Variants in TMEM117 observed in about 807,000 individuals in gnomAD.
The protein encoded by TMEM117 is transmembrane protein 117.
A neutral mutation model predicts 52.4 loss-of-function variants in TMEM117; 27 were observed. That is an observed-to-expected ratio of 0.51 (90% CI 0.38 to 0.71). The LOEUF (loss-of-function observed/expected upper bound fraction) is 0.71. TMEM117 is among the 30% of genes least tolerant of loss of function. TMEM117 has a pLI of 0.00. For synonymous variants in TMEM117, 215 were observed against 206.3 expected, an observed-to-expected ratio of 1.04 and a Z score of -0.36; for missense variants, 556 against 630.5, an observed-to-expected ratio of 0.88 and a Z score of 1.26.
At chr12:44,241,057 T>G (rs542976566) in intron 5 of TMEM117, among the ~76,000 whole-genome samples, 119 of 152,130 alleles carry the variant, frequency 7.8e-4, no homozygotes, top group African/African-American at 2.7e-3. Flanking sequence ...ATCAAGTCCC[T>G]TGTATAAAAT....
the TMEM117 span, among the ~76,000 whole-genome samples, chr12:43,820,054 G>C: frequency 6.6e-6 from 1 of 152,274 alleles, no homozygotes; most frequent in Middle Eastern, 3.4e-3. Context: ...TGTGCTTTCA[G>C]ATATTCTACC....
chr12:43,860,562 A>G (rs906636285), intron 2 of TMEM117, among the ~76,000 whole-genome samples: 5 of 152,154 alleles, frequency 3.3e-5, no homozygotes, highest in Admixed American at 1.3e-4. Flanking sequence ...AGATGAAGGA[A>G]CAACCTATGT....
At chr12:44,053,645 T>C (rs1947009416) in intron 3 of TMEM117, among the ~76,000 whole-genome samples, 1 of 152,160 alleles carries the variant, frequency 6.6e-6, no homozygotes, top group Non-Finnish European at 1.5e-5. Flanking sequence ...CCCACATCCA[T>C]GAACCACTTT....
intron 3 of TMEM117, among the ~76,000 whole-genome samples, chr12:44,048,391 T>C (rs1053459560): frequency 2.0e-5 from 3 of 152,166 alleles, no homozygotes; most frequent in African/African-American, 4.8e-5. Flanking sequence ...TTTCACTTTA[T>C]TTGCATTTGT....
chr12:43,846,036 A>G (rs530543355), intron 2 of TMEM117, among the ~76,000 whole-genome samples: 1 of 152,294 alleles, frequency 6.6e-6, no homozygotes, highest in African/African-American at 2.4e-5. Context: ...GCACATTTTC[A>G]TTAAATATAT....
intron 5 of TMEM117, among the ~76,000 whole-genome samples, chr12:44,240,025 G>T (rs954651131): frequency 2.0e-5 from 3 of 152,014 alleles, no homozygotes; most frequent in African/African-American, 7.2e-5. Context: ...GCATGCAGAT[G>T]AAAAAAGATC....
intron 4 of TMEM117, among the ~76,000 whole-genome samples, chr12:44,154,134 T>C (rs914070555): frequency 2.0e-5 from 3 of 152,090 alleles, no homozygotes; most frequent in Non-Finnish European, 2.9e-5. Context: ...CAGTGAAACA[T>C]CTTAAGTAGC....
intron 3 of TMEM117, among the ~76,000 whole-genome samples, chr12:44,103,169 TTTACA>T (rs1337214403): frequency 1.3e-5 from 2 of 151,966 alleles, no homozygotes; most frequent in Admixed American, 1.3e-4. Flanking sequence ...GATCACTTAC[TTTACA>T]TTACTTTATA....
At chr12:43,917,337 G>T (rs1944622910) in intron 2 of TMEM117, among the ~76,000 whole-genome samples, 1 of 151,820 alleles carries the variant, frequency 6.6e-6, no homozygotes, top group African/African-American at 2.4e-5. Context: ...GTAGTTTGAG[G>T]CTGCAAGATC....
intron 6 of TMEM117, among the ~76,000 whole-genome samples, chr12:44,338,190 A>G (rs920082023): frequency 4.6e-5 from 7 of 152,148 alleles, no homozygotes; most frequent in Non-Finnish European, 8.8e-5. Context: ...AAATTAAGAT[A>G]ATGTGGGTAA....
chr12:44,072,593 TC>T (rs1466250263), intron 3 of TMEM117, among the ~76,000 whole-genome samples: 1 of 152,140 alleles, frequency 6.6e-6, no homozygotes, highest in Non-Finnish European at 1.5e-5. Flanking sequence ...GGCTTTTGTT[TC>T]AAATAGGGAG....
chr12:44,052,246 T>C (rs1314980275), intron 3 of TMEM117, among the ~76,000 whole-genome samples: 4 of 152,182 alleles, frequency 2.6e-5, no homozygotes, highest in Non-Finnish European at 1.5e-5. Context: ...CCCACCTTCT[T>C]TGACCAAAAA....
chr12:43,896,313 C>G (rs1283408114), intron 2 of TMEM117, among the ~76,000 whole-genome samples: 1 of 152,192 alleles, frequency 6.6e-6, no homozygotes, highest in African/African-American at 2.4e-5. Context: ...CCTTCTCCTT[C>G]CCAATCTCCC....
At chr12:44,293,136 A>G (rs866250453) in intron 5 of TMEM117, among the ~76,000 whole-genome samples, 5 of 151,878 alleles carry the variant, frequency 3.3e-5, no homozygotes, top group Admixed American at 1.3e-4. Context: ...AAATTGTTAC[A>G]TTCTCTTTAT....
chr12:43,807,473 G>A, the TMEM117 span, among the ~76,000 whole-genome samples: 298 of 152,258 alleles, frequency 2.0e-3, 3 homozygotes, highest in African/African-American at 6.8e-3. Flanking sequence ...AATGTAGGGA[G>A]GAGTTTCATT....
At position 44,388,849 on chromosome 12, in the gene TMEM117, T is replaced by A; in HGVS notation, c.*177T>A. The A allele has an allele frequency of 1.5e-6, 1 of 683,310 alleles. No homozygotes were observed. Among genetic ancestry groups the A allele is most frequent in the Admixed American group, 3.0e-5 (1 of 33,770 alleles). 42.3% of individuals were successfully genotyped at this position (683,310 alleles called of 1,614,324 possible). A position where few individuals can be genotyped will look rare whatever the true frequency, so the allele number is the denominator to read the frequency against. On this transcript the variant is annotated 3_prime_UTR_variant, in exon 8 of 8. Coordinates refer to ENST00000266534, the MANE Select transcript of TMEM117 (RefSeq NM_032256.3). ...TCATTGTTTTCTATTTGTATTATAATACACGTGCCTACTGTATACTCAACA... is the reference window on the plus strand; with the variant it reads ...TCATTGTTTTCTATTTGTATTATAAAACACGTGCCTACTGTATACTCAACA...
chr12:44,039,427 C>T (rs1264138974), intron 3 of TMEM117, among the ~76,000 whole-genome samples: 1 of 150,248 alleles, frequency 6.7e-6, no homozygotes. Flanking sequence ...ATTATTAGGG[C>T]AGGAGTTCCC....
chr12:43,819,762 G>T, the TMEM117 span, among the ~76,000 whole-genome samples: 5 of 151,604 alleles, frequency 3.3e-5, no homozygotes, highest in Non-Finnish European at 7.4e-5. Flanking sequence ...GCGATAGAGC[G>T]AGACTCTGTC....
chr12:43,942,753 G>C (rs1945064301), intron 2 of TMEM117, among the ~76,000 whole-genome samples: 1 of 152,022 alleles, frequency 6.6e-6, no homozygotes, highest in Non-Finnish European at 1.5e-5. Context: ...AATCTTAAAA[G>C]ATTATTTCTT....
Sources: gnomAD v4.1 joint callset for allele counts (sites outside exome capture counted in the v4.1 genomes callset) on GRCh38, gnomAD v4.1.1 for gene constraint, MANE v1.5 for transcripts, NCBI Gene and HGNC (gene_info 2026-07-23, HGNC 2026-07-21) for gene names.